Variants in MYO5A observed in about 807,000 individuals in gnomAD.
MYO5A encodes unconventional myosin-Va.
Under a neutral mutation model 249.7 loss-of-function variants are expected in MYO5A, and 98 were observed. The ratio of observed to expected loss-of-function variants is 0.39; its 90% confidence interval spans 0.33 to 0.46. MYO5A has a LOEUF of 0.46. Ranked by LOEUF, MYO5A falls within the 20% of genes least tolerant of loss-of-function variation. MYO5A has a pLI of 0.98. For missense variants in MYO5A, 1,696 were observed against 2,308.8 expected (o/e 0.73, Z 5.44); for synonymous variants, 778 against 810.6 (o/e 0.96, Z 0.68).
At position 52,383,265 on chromosome 15, in the gene MYO5A, C is replaced by G. The variant is rs2041835564; in HGVS notation, c.1915-77G>C. 3.3e-5 allele frequency: 39 copies of G among 1,182,396 alleles called. No homozygotes were observed. In the South Asian group the frequency reaches 4.1e-4, roughly 13 times the overall value. 73.2% of individuals were successfully genotyped at this position (1,182,396 alleles called of 1,614,324 possible). On this transcript the variant is annotated intron_variant, in intron 15 of 41. Transcript: ENST00000399233. Reference sequence around the variant, plus strand: ...GTGAGGTAAAACAATGGGAAATTCCCTTCCTATGACACTAATGGAGAAAAC... The same window carrying G: ...GTGAGGTAAAACAATGGGAAATTCCGTTCCTATGACACTAATGGAGAAAAC...
At chr15:52,426,176 C>T (rs2075390013) in intron 3 of MYO5A, among the ~76,000 whole-genome samples, 1 of 152,144 alleles carries the variant, frequency 6.6e-6, no homozygotes, top group African/African-American at 2.4e-5. Context: ...GCCTAAAACA[C>T]CATTTAAAAA....
At chr15:52,414,532 T>C (rs564157951) in intron 5 of MYO5A, among the ~76,000 whole-genome samples, 1 of 152,176 alleles carries the variant, frequency 6.6e-6, no homozygotes, top group East Asian at 1.9e-4. Context: ...TCTAGAAGGT[T>C]CATTCTAGAC....
At chr15:52,519,647 T>G (rs1377290766) in intron 1 of MYO5A, among the ~76,000 whole-genome samples, 1 of 150,858 alleles carries the variant, frequency 6.6e-6, no homozygotes, top group African/African-American at 2.4e-5. Context: ...TAATAATACA[T>G]GAAAAATCAA....
At chr15:52,321,750 T>C (rs1299397292) in intron 37 of MYO5A, among the ~76,000 whole-genome samples, 1 of 145,986 alleles carries the variant, frequency 6.8e-6, no homozygotes, top group East Asian at 2.0e-4. Flanking sequence ...ATTTAAGTCT[T>C]CCCAATAGCA....
chr15:52,419,377 T>C (rs1379286555), intron 4 of MYO5A, among the ~76,000 whole-genome samples: 2 of 152,244 alleles, frequency 1.3e-5, no homozygotes, highest in Admixed American at 1.3e-4. Flanking sequence ...GTCTTAAAGA[T>C]GTGGCTTCAC....
At position 52,370,381 on chromosome 15, in the gene MYO5A, T is replaced by G; in HGVS notation, c.2854A>C (p.Asn952His). Reference protein sequence around the residue: ...DYKCLVEKLTNLEGIYNSETE... With the variant: ...DYKCLVEKLTHLEGIYNSETE... ...TCAGAGTTGTATATTCCTTCCAGAT[T>G]GGTTAGTTTCTCCACAAGGCATTTG... Residue 952 changes from asparagine (N) to histidine (H), a missense_variant, in exon 22 of 42, where the codon AAT becomes CAT. Asn to His is a moderately conservative substitution (Grantham distance 68). Transcript: ENST00000399233. 1 of 1,613,892 alleles carries G rather than the reference T, an allele frequency of 6.2e-7. No individual in the cohort carries two copies. The highest frequency in any genetic ancestry group is 8.5e-7 in the Non-Finnish European group (1 of 1,179,766).
At chr15:52,389,107 T>C (rs2042098634) in intron 13 of MYO5A, 131 bp downstream of exon 13, 1 of 872,006 alleles carries the variant, frequency 1.1e-6, no homozygotes, top group Non-Finnish European at 1.7e-6. Flanking sequence ...ATGTCAACAC[T>C]GAAGACTGCT....
At chr15:52,492,715 G>A (rs777109568) in intron 1 of MYO5A, among the ~76,000 whole-genome samples, 11 of 152,100 alleles carry the variant, frequency 7.2e-5, no homozygotes, top group Non-Finnish European at 1.6e-4. Flanking sequence ...GATACACAGT[G>A]GAATATCTGG....
intron 1 of MYO5A, among the ~76,000 whole-genome samples, chr15:52,508,512 C>A (rs1327079828): frequency 6.6e-6 from 1 of 151,872 alleles, no homozygotes; most frequent in Non-Finnish European, 1.5e-5. Context: ...GTTCTAAATC[C>A]CTCCTTTGTT....
At chr15:52,384,466 A>G (rs1210467573) in intron 14 of MYO5A, 144 bp from the exon 15 acceptor site, 3 of 833,956 alleles carry the variant, frequency 3.6e-6, no homozygotes, top group Non-Finnish European at 5.9e-6. Flanking sequence ...CTGTGCTAAG[A>G]GCCAAGAATA....
chr15:52,478,066 C>T (rs571778996), intron 1 of MYO5A, among the ~76,000 whole-genome samples: 2 of 152,310 alleles, frequency 1.3e-5, no homozygotes, highest in East Asian at 3.9e-4. Flanking sequence ...CCACCCAGTT[C>T]GAGCTTCCCA....
At position 52,311,632 on chromosome 15, in the gene MYO5A, T is replaced by A. The variant is rs1353441935; in HGVS notation, c.*2064A>T. The A allele has an allele frequency of 6.6e-6, 1 of 152,250 alleles. No individual in the cohort carries two copies. The highest frequency in any genetic ancestry group is 1.5e-5 in the Non-Finnish European group (1 of 68,048). The allele number at this position is 152,250 out of a possible 1,614,324, so 9.4% of individuals were successfully genotyped here. A position where few individuals can be genotyped will look rare whatever the true frequency, so the allele number is the denominator to read the frequency against. On this transcript the variant is annotated 3_prime_UTR_variant, in exon 42 of 42. Coordinates refer to ENST00000399233, the MANE Select transcript of MYO5A (RefSeq NM_001382347.1). ...ATGTACATTTAAGAAAGGTTACAGC[T>A]ACACAAACTTGTGATTTTACATTTG...
At chr15:52,520,479 T>TA (rs2077595149) in intron 1 of MYO5A, among the ~76,000 whole-genome samples, 1 of 152,106 alleles carries the variant, frequency 6.6e-6, no homozygotes, top group Non-Finnish European at 1.5e-5. Flanking sequence ...TTTTCACCCC[T>TA]AAAAAAAGCT....
chr15:52,444,293 G>A (rs1013435593), intron 1 of MYO5A, among the ~76,000 whole-genome samples: 4 of 152,034 alleles, frequency 2.6e-5, no homozygotes, highest in African/African-American at 7.2e-5. Flanking sequence ...TAATTAGCTG[G>A]TGGTATTTTA....
chr15:52,480,771 C>T (rs971284452), intron 1 of MYO5A, among the ~76,000 whole-genome samples: 2 of 152,146 alleles, frequency 1.3e-5, no homozygotes, highest in African/African-American at 4.8e-5. Flanking sequence ...GCATTATCTC[C>T]CCTAGCTTCA....
intron 1 of MYO5A, among the ~76,000 whole-genome samples, chr15:52,455,326 C>T (rs142341102): frequency 1.1e-4 from 16 of 151,882 alleles, no homozygotes; most frequent in African/African-American, 2.4e-4. Context: ...ATAACAACAA[C>T]GACAAAAAAG....
chr15:52,424,457 A>T (rs1426268678), intron 4 of MYO5A, among the ~76,000 whole-genome samples: 9 of 152,200 alleles, frequency 5.9e-5, no homozygotes, highest in Non-Finnish European at 4.4e-5. Flanking sequence ...ATAAGAATAA[A>T]ATTAGTTAAA....
At chr15:52,367,405 G>GA (rs1443841929) in intron 22 of MYO5A, among the ~76,000 whole-genome samples, 2 of 152,118 alleles carry the variant, frequency 1.3e-5, no homozygotes, top group African/African-American at 4.8e-5. Flanking sequence ...CTCTTTTCCA[G>GA]AATAGACTAG....
chr15:52,355,944 C>A (rs931053973), intron 25 of MYO5A, among the ~76,000 whole-genome samples: 3 of 152,174 alleles, frequency 2.0e-5, no homozygotes, highest in Middle Eastern at 3.4e-3. Flanking sequence ...AACAGAATCA[C>A]AATGAGACCT....
Sources: gnomAD v4.1 joint callset for allele counts (sites outside exome capture counted in the v4.1 genomes callset) on GRCh38, gnomAD v4.1.1 for gene constraint, MANE v1.5 for transcripts, NCBI Gene and HGNC (gene_info 2026-07-23, HGNC 2026-07-21) for gene names.